AIG1: variants seen among roughly 807,000 people sequenced by gnomAD.
AIG1 encodes androgen-induced gene 1 protein.
In AIG1, 23 loss-of-function variants were observed where a neutral mutation model predicts 31.4. The observed-to-expected ratio is 0.73, with a 90% CI of 0.53 to 1.04. AIG1 has a LOEUF of 1.04. Ranked by LOEUF, AIG1 falls within the 50% of genes least tolerant of loss-of-function variation. The pLI is 0.00. For synonymous variants in AIG1, 100 were observed against 110.5 expected (o/e 0.90, Z 0.60); for missense variants, 274 against 295.0 (o/e 0.93, Z 0.52).
intron 1 of AIG1, among the ~76,000 whole-genome samples, chr6:143,094,516 G>A (rs967295307): frequency 6.6e-5 from 10 of 152,186 alleles, no homozygotes; most frequent in African/African-American, 2.4e-4. Flanking sequence ...CAGCCGGTGA[G>A]TAGGGGAAAA....
chr6:143,089,503 G>C (rs1779110961), intron 1 of AIG1, among the ~76,000 whole-genome samples: 1 of 152,140 alleles, frequency 6.6e-6, no homozygotes, highest in Non-Finnish European at 1.5e-5. Flanking sequence ...ATATAGGATT[G>C]TTGTGAGGAT....
intron 2 of AIG1, among the ~76,000 whole-genome samples, chr6:143,147,842 C>T: frequency 6.6e-6 from 1 of 152,094 alleles, no homozygotes; most frequent in Non-Finnish European, 1.5e-5. Context: ...AACCCAAGAG[C>T]CTGAAAAATG....
chr6:143,300,599 A>G (rs879611818), intron 4 of AIG1, among the ~76,000 whole-genome samples: 14 of 152,226 alleles, frequency 9.2e-5, no homozygotes, highest in Non-Finnish European at 1.3e-4. Flanking sequence ...TGCCTTCCCT[A>G]ACCATTGCTT....
intron 3 of AIG1, among the ~76,000 whole-genome samples, chr6:143,253,274 T>C (rs996290728): frequency 2.0e-5 from 3 of 152,204 alleles, no homozygotes; most frequent in Non-Finnish European, 2.9e-5. Context: ...TCTTGCTCAG[T>C]TGGAACTAAG....
At chr6:143,242,080 C>T (rs1435532250) in intron 3 of AIG1, among the ~76,000 whole-genome samples, 3 of 152,122 alleles carry the variant, frequency 2.0e-5, no homozygotes, top group Admixed American at 6.6e-5. Context: ...TCTCTGTCGA[C>T]ACGTCTCCCC....
intron 4 of AIG1, among the ~76,000 whole-genome samples, chr6:143,312,687 A>G (rs1374944073): frequency 1.3e-5 from 2 of 152,180 alleles, no homozygotes; most frequent in Admixed American, 1.3e-4. Flanking sequence ...ACAAGCAACC[A>G]AAGCAAAAAA....
intron 3 of AIG1, among the ~76,000 whole-genome samples, chr6:143,208,183 C>G (rs965589725): frequency 2.0e-5 from 3 of 152,132 alleles, no homozygotes; most frequent in Non-Finnish European, 4.4e-5. Context: ...TGAAATCTTT[C>G]TGATGAACAC....
intron 3 of AIG1, among the ~76,000 whole-genome samples, chr6:143,220,550 G>C (rs2128623011): frequency 6.6e-6 from 1 of 152,254 alleles, no homozygotes; most frequent in Middle Eastern, 3.4e-3. Context: ...TTCATCACGG[G>C]TAAGCAACTG....
chr6:143,083,005 T>A (rs1778411007), intron 1 of AIG1, among the ~76,000 whole-genome samples: 1 of 152,244 alleles, frequency 6.6e-6, no homozygotes, highest in African/African-American at 2.4e-5. Context: ...TAATCCATAT[T>A]TGGCAGAAGC....
chr6:143,235,922 G>A (rs1793770714), intron 3 of AIG1, among the ~76,000 whole-genome samples: 1 of 152,046 alleles, frequency 6.6e-6, no homozygotes, highest in Non-Finnish European at 1.5e-5. Context: ...TGGATCTAGG[G>A]AGGGCACCTC....
In AIG1 at chr6:143,333,375, A is replaced by G. The variant is rs141975087; in HGVS notation, c.609A>G (p.Thr203=). ...PGARIIFFGS[T]TILMNFLYLL... is the part of the protein sequence containing the mutation. Reference sequence around the variant, plus strand: ...CCAGAATCATCTTCTTTGGGTCTACAACCATCTTAATGAACTTCCTGTACC... The same window carrying G: ...CCAGAATCATCTTCTTTGGGTCTACGACCATCTTAATGAACTTCCTGTACC... The change falls in exon 5 of 6, where the codon ACA becomes ACG. Residue 203 remains threonine (T), a synonymous_variant. Coordinates refer to ENST00000357847, the MANE Select transcript of AIG1 (RefSeq NM_016108.4). This position sits in a 1 kb window ranked among gnomAD's most constrained non-coding sequence, Gnocchi z 4.6. 1 of 1,614,024 alleles carries G rather than the reference A, an allele frequency of 6.2e-7. No homozygotes were observed. Among genetic ancestry groups the G allele is most frequent in the Non-Finnish European group, 8.5e-7 (1 of 1,179,960 alleles).
At chr6:143,320,957 G>A (rs944404759) in intron 4 of AIG1, among the ~76,000 whole-genome samples, 4 of 152,046 alleles carry the variant, frequency 2.6e-5, no homozygotes, top group Admixed American at 2.6e-4. Context: ...AAGTAGCTGG[G>A]ATTACAGGCA....
At chr6:143,204,900 A>G (rs1345573877) in intron 3 of AIG1, among the ~76,000 whole-genome samples, 1 of 152,168 alleles carries the variant, frequency 6.6e-6, no homozygotes, top group South Asian at 2.1e-4. Flanking sequence ...AAGCCTATCT[A>G]GTAGAAGAGG....
At chr6:143,227,168 A>C (rs1318115928) in intron 3 of AIG1, among the ~76,000 whole-genome samples, 1 of 152,150 alleles carries the variant, frequency 6.6e-6, no homozygotes, top group African/African-American at 2.4e-5. Context: ...TCTCTTGAAC[A>C]AAGGTAAAAG....
At chr6:143,085,831 C>T (rs1778725046) in intron 1 of AIG1, among the ~76,000 whole-genome samples, 1 of 152,210 alleles carries the variant, frequency 6.6e-6, no homozygotes, top group Admixed American at 6.5e-5. Context: ...CATCTGTCCT[C>T]CTGTCCTGAA....
intron 1 of AIG1, among the ~76,000 whole-genome samples, chr6:143,098,165 T>G (rs960763486): frequency 1.3e-5 from 2 of 152,206 alleles, no homozygotes; most frequent in African/African-American, 4.8e-5. Flanking sequence ...AAGTCTACAC[T>G]TCTGGTTTTC....
At chr6:143,155,691 T>C (rs571472826) in intron 2 of AIG1, among the ~76,000 whole-genome samples, 1 of 152,224 alleles carries the variant, frequency 6.6e-6, no homozygotes, top group South Asian at 2.1e-4. Flanking sequence ...TTTTAATGAA[T>C]TTAAAGCTGC....
intron 3 of AIG1, among the ~76,000 whole-genome samples, chr6:143,247,771 C>T (rs1794715241): frequency 6.6e-6 from 1 of 152,196 alleles, no homozygotes; most frequent in Non-Finnish European, 1.5e-5. Context: ...GGCAGCCTTC[C>T]TCTGGGATCT....
chr6:143,204,900 A>C (rs1345573877), intron 3 of AIG1, among the ~76,000 whole-genome samples: 1 of 152,168 alleles, frequency 6.6e-6, no homozygotes, highest in Non-Finnish European at 1.5e-5. Flanking sequence ...AAGCCTATCT[A>C]GTAGAAGAGG....
Sources: gnomAD v4.1 joint callset for allele counts (sites outside exome capture counted in the v4.1 genomes callset) on GRCh38, gnomAD v4.1.1 for gene constraint, Gnocchi (gnomAD v3.1) non-coding constraint, MANE v1.5 for transcripts, NCBI Gene and HGNC (gene_info 2026-07-23, HGNC 2026-07-21) for gene names.